The following PTPRD variants were observed in gnomAD, a reference collection of about 807,000 sequenced individuals.
PTPRD encodes the protein protein tyrosine phosphatase receptor type D.
In PTPRD, 34 loss-of-function variants were observed where a neutral mutation model predicts 214.5. That is an observed-to-expected ratio of 0.16 (90% confidence interval 0.12 to 0.21). The LOEUF is 0.21. PTPRD is among the 10% of genes least tolerant of loss of function. PTPRD has a pLI of 1.00. For synonymous variants in PTPRD, 1,128 were observed against 845.7 expected (o/e 1.33, Z -5.79); for missense variants, 2,545 against 2,398.7 (o/e 1.06, Z -1.27).
intron 11 of PTPRD, among the ~76,000 whole-genome samples, chr9:8,804,418 G>C (rs573573191): frequency 6.6e-6 from 1 of 151,302 alleles, no homozygotes; most frequent in African/African-American, 2.4e-5. Context: ...GGCAACATAA[G>C]AAGACTCCGT....
chr9:8,927,536 G>A (rs545064450), intron 11 of PTPRD, among the ~76,000 whole-genome samples: 2 of 152,206 alleles, frequency 1.3e-5, no homozygotes, highest in African/African-American at 2.4e-5. Flanking sequence ...AAGAACATGA[G>A]CTCATCCTTT....
chr9:9,611,246 AC>A (rs1287098215), intron 7 of PTPRD, among the ~76,000 whole-genome samples: 1 of 152,220 alleles, frequency 6.6e-6, no homozygotes, highest in African/African-American at 2.4e-5. Context: ...TTTAATGATG[AC>A]ATATAAATAA....
At chr9:9,443,401 T>C (rs1222994124) in intron 8 of PTPRD, among the ~76,000 whole-genome samples, 1 of 152,218 alleles carries the variant, frequency 6.6e-6, no homozygotes, top group Non-Finnish European at 1.5e-5. Flanking sequence ...TGGTCACAGT[T>C]CTTTGATATT....
chr9:10,310,297 G>A (rs984282239), intron 3 of PTPRD, among the ~76,000 whole-genome samples: 23 of 151,992 alleles, frequency 1.5e-4, no homozygotes, highest in African/African-American at 4.8e-4. Flanking sequence ...AATGTACATA[G>A]CAAAAGAAAT....
rs575800524 is a variant in PTPRD, at chr9:8,925,330, G to C, written c.-104+93367C>G. 2.0e-5 allele frequency among the ~76,000 whole-genome samples: 3 copies of C among 152,138 alleles called. No individual in the cohort carries two copies. The East Asian group carries it at 5.8e-4, about 30-fold the overall frequency. On this transcript the variant is annotated intron_variant, in intron 11 of 45. Transcript: ENST00000381196. ...GGTGTAGGATGGCTCCGAGGCAGGG[G>C]ATGCAGGGGAAGGTACATTCTCCAC...
rs1411201135 is a variant in PTPRD at position 9,147,772 on chromosome 9, T to A, written c.-143+35532A>T. Among the ~76,000 whole-genome samples the A allele has an allele frequency of 2.0e-5, 3 of 152,238 alleles. No individual in the cohort carries two copies. In the East Asian group the frequency reaches 5.8e-4, roughly 29 times the overall value. ...TGAGACCCTCCCCCCTCTCCCTGCT[T>A]CCCTTCTACAGTAGTGGTTTTCAAA... On this transcript the variant is annotated intron_variant, in intron 10 of 45. Coordinates refer to ENST00000381196, the MANE Select transcript of PTPRD (RefSeq NM_002839.4).
intron 5 of PTPRD, among the ~76,000 whole-genome samples, chr9:9,925,259 C>G (rs2083868133): frequency 6.6e-6 from 1 of 152,014 alleles, no homozygotes; most frequent in South Asian, 2.1e-4. Flanking sequence ...GTTCTTATTA[C>G]AGGGTAGGAT....
At chr9:8,814,064 C>G (rs2096871421) in intron 11 of PTPRD, among the ~76,000 whole-genome samples, 1 of 152,184 alleles carries the variant, frequency 6.6e-6, no homozygotes. Context: ...GGTATCTCCC[C>G]AGAGCACAGC....
chr9:8,341,222 T>C lies in PTPRD; in HGVS notation c.4994A>G (p.Asn1665Ser). 5 of 1,612,842 alleles carry C rather than the reference T, an allele frequency of 3.1e-6. No homozygotes were observed. The highest frequency in any genetic ancestry group is 1.3e-5 in the African/African-American group (1 of 74,812). The change falls in exon 41 of 46, where the codon AAT becomes AGT. Residue 1665 changes from asparagine to serine, a missense_variant. Coordinates refer to ENST00000381196, the MANE Select transcript of PTPRD (RefSeq NM_002839.4). The part of the protein sequence containing the change: ...KAHTSRFISA[N>S]LPCNKFKNRL... ...ATTTTTGAATTTATTACATGGAAGA[T>C]TGGCACTGATAAACCTTGAGGTGTG... is the stretch of plus-strand genomic sequence containing the variant.
At chr9:9,841,123 T>C (rs1270940135) in intron 5 of PTPRD, among the ~76,000 whole-genome samples, 2 of 152,198 alleles carry the variant, frequency 1.3e-5, no homozygotes, top group Non-Finnish European at 2.9e-5. Flanking sequence ...GAATATATTT[T>C]AAAGGTTGCC....
intron 2 of PTPRD, among the ~76,000 whole-genome samples, chr9:10,434,430 G>C (rs1476974320): frequency 6.6e-6 from 1 of 151,792 alleles, no homozygotes; most frequent in African/African-American, 2.4e-5. Flanking sequence ...TTCTAAATTA[G>C]AGAATAATTA....
chr9:9,288,979 G>T (rs377341906), intron 9 of PTPRD, among the ~76,000 whole-genome samples: 4 of 151,762 alleles, frequency 2.6e-5, no homozygotes, highest in East Asian at 3.9e-4. Flanking sequence ...AGGCTCCCCA[G>T]CCCTGCCGAA....
chr9:9,429,287 A>T (rs1425639304), intron 8 of PTPRD, among the ~76,000 whole-genome samples: 1 of 152,206 alleles, frequency 6.6e-6, no homozygotes, highest in Non-Finnish European at 1.5e-5. Flanking sequence ...ATGCAAATAA[A>T]CTACAAAATC....
At chr9:8,404,967 G>T (rs1460009256) in intron 35 of PTPRD, among the ~76,000 whole-genome samples, 1 of 152,160 alleles carries the variant, frequency 6.6e-6, no homozygotes, top group Non-Finnish European at 1.5e-5. Context: ...TGCTGCTGTA[G>T]TTTACAAGTC....
At chr9:10,263,240 G>A (rs1294414696) in intron 3 of PTPRD, among the ~76,000 whole-genome samples, 1 of 152,178 alleles carries the variant, frequency 6.6e-6, no homozygotes, top group Non-Finnish European at 1.5e-5. Flanking sequence ...TGAAAATGTG[G>A]AACTGACTTT....
intron 12 of PTPRD, among the ~76,000 whole-genome samples, chr9:8,699,146 C>A (rs2098010203): frequency 6.6e-6 from 1 of 152,106 alleles, no homozygotes; most frequent in African/African-American, 2.4e-5. Context: ...GAGTAAATTT[C>A]TAACAAGTGA....
intron 44 of PTPRD, among the ~76,000 whole-genome samples, chr9:8,331,228 ACAGTTAT>A (rs1177513677): frequency 2.0e-5 from 3 of 152,100 alleles, no homozygotes; most frequent in African/African-American, 7.2e-5. Context: ...CAGAAGAAAG[ACAGTTAT>A]CAGTGCATTG....
intron 8 of PTPRD, among the ~76,000 whole-genome samples, chr9:9,486,250 T>C (rs1171665026): frequency 1.4e-5 from 2 of 143,726 alleles, no homozygotes; most frequent in East Asian, 4.5e-4. Context: ...ACAGAGAACC[T>C]TGAATAAGTA....
At chr9:9,542,209 A>G (rs56719797) in intron 8 of PTPRD, among the ~76,000 whole-genome samples, 35,044 of 151,670 alleles carry the variant, frequency 0.23, 4,370 homozygotes, top group Non-Finnish European at 0.26. Context: ...GAGACAGTAT[A>G]AGAACAATTA....
Sources: gnomAD v4.1 joint callset for allele counts (sites outside exome capture counted in the v4.1 genomes callset) on GRCh38, gnomAD v4.1.1 for gene constraint, MANE v1.5 for transcripts, NCBI Gene and HGNC (gene_info 2026-07-23, HGNC 2026-07-21) for gene names.